The following FNBP1 variants were observed in gnomAD, a reference collection of about 807,000 sequenced individuals.
FNBP1 encodes the protein formin binding protein 1.
A neutral mutation model predicts 90.6 loss-of-function variants in FNBP1; 26 were observed. The ratio of observed to expected loss-of-function variants is 0.29; its 90% CI spans 0.21 to 0.40. The LOEUF (loss-of-function observed/expected upper bound fraction) is 0.40. Among genes scored for constraint, FNBP1 ranks in the 10% least tolerant of loss-of-function variants. FNBP1 has a pLI of 1.00. For synonymous variants in FNBP1, 260 were observed against 265.2 expected (o/e 0.98, Z 0.19); for missense variants, 635 against 768.0 (o/e 0.83, Z 2.05).
chr9:130,009,419 T>C (rs2056239771), intron 1 of FNBP1, among the ~76,000 whole-genome samples: 1 of 152,086 alleles, frequency 6.6e-6, no homozygotes. Flanking sequence ...CCTGGCACTT[T>C]GGGAGGCCGA....
chr9:129,942,109 T>C (rs969835275), intron 6 of FNBP1, among the ~76,000 whole-genome samples: 2 of 150,188 alleles, frequency 1.3e-5, no homozygotes, highest in African/African-American at 4.9e-5. Context: ...AAATGAAATG[T>C]TTAGAGAAAA....
intron 4 of FNBP1, among the ~76,000 whole-genome samples, chr9:129,977,833 C>T (rs139768719): frequency 6.6e-6 from 1 of 151,880 alleles, no homozygotes; most frequent in Admixed American, 6.6e-5. Flanking sequence ...ACAGAGCATA[C>T]ACCATATTAT....
the FNBP1 span, chr9:130,053,808 G>A: frequency 4.3e-6 from 4 of 938,094 alleles, no homozygotes; most frequent in Non-Finnish European, 6.3e-6. Flanking sequence ...GCAATCTCCA[G>A]GAAAACGACC....
At chr9:129,918,877 CA>C (rs796911962) in intron 10 of FNBP1, 2,809 of 152,230 alleles carry the variant, frequency 0.018, 18 homozygotes, top group South Asian at 0.033. Flanking sequence ...AAGAGAAAAA[CA>C]AAAAAAAAAA....
chr9:129,969,243 T>C (rs1042687345), intron 4 of FNBP1, among the ~76,000 whole-genome samples: 9 of 152,250 alleles, frequency 5.9e-5, no homozygotes, highest in African/African-American at 2.2e-4. Context: ...AATCTATTGA[T>C]AATTCTATCT....
chr9:129,961,816 C>T (rs2047873888), intron 4 of FNBP1, among the ~76,000 whole-genome samples: 1 of 152,180 alleles, frequency 6.6e-6, no homozygotes, highest in African/African-American at 2.4e-5. Context: ...GAACTCCCGG[C>T]CTCAAGTGAT....
chr9:129,968,721 A>C (rs1268829671), intron 4 of FNBP1, among the ~76,000 whole-genome samples: 1 of 152,226 alleles, frequency 6.6e-6, no homozygotes, highest in Non-Finnish European at 1.5e-5. Flanking sequence ...AATTCTAAGT[A>C]ATGTGGAGTC....
chr9:129,931,563 G>A (rs1277218560), intron 6 of FNBP1, among the ~76,000 whole-genome samples: 1 of 151,648 alleles, frequency 6.6e-6, no homozygotes. Context: ...CCGAGATCGC[G>A]CCACTATACT....
At chr9:129,933,779 A>G (rs1171898571) in intron 6 of FNBP1, among the ~76,000 whole-genome samples, 1 of 152,156 alleles carries the variant, frequency 6.6e-6, no homozygotes, top group Non-Finnish European at 1.5e-5. Context: ...GGAAACCTTC[A>G]AAAACAGCAA....
intron 1 of FNBP1, among the ~76,000 whole-genome samples, chr9:130,036,963 T>C (rs1407045275): frequency 6.7e-6 from 1 of 149,884 alleles, no homozygotes; most frequent in Non-Finnish European, 1.5e-5. Context: ...GAGAATGGTG[T>C]GAACCTGGGA....
At chr9:129,929,489 A>T in intron 7 of FNBP1, 78 bp downstream of exon 7, 2 of 1,311,924 alleles carry the variant, frequency 1.5e-6, no homozygotes. Context: ...CAAACCCAGC[A>T]ATCACGATTC....
intron 1 of FNBP1, among the ~76,000 whole-genome samples, chr9:130,037,791 G>C (rs1192737938): frequency 6.6e-6 from 1 of 152,092 alleles, no homozygotes; most frequent in Non-Finnish European, 1.5e-5. Flanking sequence ...TTTTACAACT[G>C]CCGAAGTGCA....
At chr9:129,953,907 G>A (rs1220194513) in intron 6 of FNBP1, among the ~76,000 whole-genome samples, 1 of 151,802 alleles carries the variant, frequency 6.6e-6, no homozygotes, top group Non-Finnish European at 1.5e-5. Context: ...TCTGATACTA[G>A]TAACAATGAT....
chr9:130,011,076 C>T (rs550840267), intron 1 of FNBP1, among the ~76,000 whole-genome samples: 6 of 150,424 alleles, frequency 4.0e-5, no homozygotes, highest in African/African-American at 9.8e-5. Context: ...GTTAGGTGGG[C>T]GTGGTGGCAG....
intron 1 of FNBP1, among the ~76,000 whole-genome samples, chr9:129,997,265 T>C (rs568573986): frequency 2.0e-5 from 3 of 151,992 alleles, no homozygotes; most frequent in South Asian, 4.2e-4. Context: ...GAGGCAGAGG[T>C]TGCAGTGAGT....
At chr9:129,929,289 A>G (rs1282284233) in intron 7 of FNBP1, among the ~76,000 whole-genome samples, 2 of 151,510 alleles carry the variant, frequency 1.3e-5, no homozygotes, top group African/African-American at 4.9e-5. Flanking sequence ...ACGTGCCTGT[A>G]GTCCCAGCTA....
At chr9:129,962,254 C>A (rs2047948351) in intron 4 of FNBP1, among the ~76,000 whole-genome samples, 2 of 152,246 alleles carry the variant, frequency 1.3e-5, no homozygotes, top group South Asian at 2.1e-4. Context: ...CAGCTCCCCA[C>A]TGTGACTTGC....
intron 1 of FNBP1, among the ~76,000 whole-genome samples, chr9:130,009,573 C>T (rs997658493): frequency 7.9e-5 from 12 of 151,862 alleles, no homozygotes; most frequent in Admixed American, 3.3e-4. Flanking sequence ...GAGACCAAGG[C>T]GGGCGGATCA....
intron 12 of FNBP1, among the ~76,000 whole-genome samples, chr9:129,907,580 G>GGGGTGTGTGTGTGT (rs942734835): frequency 2.9e-4 from 42 of 147,204 alleles, no homozygotes; most frequent in South Asian, 1.1e-3. Context: ...TAGGAGTGAG[G>GGGGTGTGTGTGTGT]GTGTGTGTGT....
Sources: gnomAD v4.1 joint callset for allele counts (sites outside exome capture counted in the v4.1 genomes callset) on GRCh38, gnomAD v4.1.1 for gene constraint, MANE v1.5 for transcripts, NCBI Gene and HGNC (gene_info 2026-07-23, HGNC 2026-07-21) for gene names.